The following DUSP18 variants were observed in gnomAD, a reference collection of about 807,000 sequenced individuals.
DUSP18 encodes dual specificity phosphatase 18, also known as dual specificity protein phosphatase 18.
In DUSP18, 4 loss-of-function variants were observed where a neutral mutation model predicts 6.3. The observed-to-expected ratio is 0.63, with a 90% CI of 0.31 to 1.45. The LOEUF (loss-of-function observed/expected upper bound fraction) is 1.45. DUSP18 is among the 40% of genes most tolerant of loss of function. The pLI is 0.07. For synonymous variants in DUSP18, 96 were observed against 95.1 expected (o/e 1.01, Z -0.05); for missense variants, 235 against 247.7 (o/e 0.95, Z 0.34).
At chr22:30,654,182 C>A (rs1427083883) in intron 2 of DUSP18, 2 of 254,888 alleles carry the variant, frequency 7.8e-6, no homozygotes, top group South Asian at 4.0e-5. Flanking sequence ...GACTGGGTTT[C>A]ACCATGTTAG....
At chr22:30,656,127 C>A (rs2088334184) in intron 2 of DUSP18, among the ~76,000 whole-genome samples, 2 of 151,886 alleles carry the variant, frequency 1.3e-5, no homozygotes, top group African/African-American at 4.8e-5. Context: ...GTGTGCACCA[C>A]CATGCTGGGC....
intron 2 of DUSP18, among the ~76,000 whole-genome samples, chr22:30,653,603 T>C (rs969660895): frequency 6.6e-6 from 1 of 151,238 alleles, no homozygotes; most frequent in Non-Finnish European, 1.5e-5. Context: ...GAACTCCTGA[T>C]CTCAAGTGAC....
chr22:30,657,217 C>T (rs1031710969), downstream of DUSP18, among the ~76,000 whole-genome samples: 3 of 149,622 alleles, frequency 2.0e-5, no homozygotes, highest in Non-Finnish European at 3.0e-5. Flanking sequence ...GGTGGATCAC[C>T]TGAGGTCAGG....
downstream of DUSP18, among the ~76,000 whole-genome samples, chr22:30,657,700 C>T (rs1028217907): frequency 5.3e-5 from 8 of 151,196 alleles, no homozygotes; most frequent in South Asian, 2.1e-4. Flanking sequence ...GTCAGGAGAT[C>T]GAGACAATCC....
At chr22:30,654,503 T>C in intron 2 of DUSP18, 2 of 432,360 alleles carry the variant, frequency 4.6e-6, no homozygotes, top group Non-Finnish European at 9.2e-6. Context: ...GTTAAACACC[T>C]TGAGGCGGTC....
At chr22:30,664,197 ACAG>A in intron 1 of DUSP18, 117 bp from the exon 2 acceptor site, 1 of 603,328 alleles carries the variant, frequency 1.7e-6, no homozygotes, top group East Asian at 2.8e-5. Flanking sequence ...TCTGACCATC[ACAG>A]CAGAACTACC....
chr22:30,667,399 A>AG (rs1405271876), intron 1 of DUSP18, 63 bp downstream of exon 1: 3 of 152,290 alleles, frequency 2.0e-5, no homozygotes, highest in Admixed American at 1.3e-4. Flanking sequence ...TAGGTTTCCT[A>AG]GGGGAGCTGG....
intron 1 of DUSP18, chr22:30,666,888 A>G (rs1444150210): frequency 1.3e-5 from 2 of 152,186 alleles, no homozygotes; most frequent in East Asian, 3.9e-4. Context: ...AGCCCTCTCA[A>G]AATGATAACT....
chr22:30,657,803 C>T (rs1448973892), downstream of DUSP18, among the ~76,000 whole-genome samples: 2 of 151,254 alleles, frequency 1.3e-5, no homozygotes, highest in Non-Finnish European at 2.9e-5. Flanking sequence ...ACTCGGGAGG[C>T]TGAGGCAGGA....
chr22:30,656,253 A>G (rs1415801604), intron 2 of DUSP18, among the ~76,000 whole-genome samples: 2 of 152,110 alleles, frequency 1.3e-5, no homozygotes, highest in Admixed American at 6.5e-5. Context: ...CTGGGATTAC[A>G]GGCATGAGCC....
At chr22:30,659,409 T>G (rs1268792034), downstream of DUSP18, among the ~76,000 whole-genome samples, 1 of 152,160 alleles carries the variant, frequency 6.6e-6, no homozygotes, top group Non-Finnish European at 1.5e-5. Context: ...GTTTCACTCT[T>G]ATTGCCCAGG....
intron 1 of DUSP18, chr22:30,667,206 C>G (rs1173277057): frequency 1.3e-5 from 2 of 152,150 alleles, no homozygotes; most frequent in Non-Finnish European, 2.9e-5. Context: ...GAAAGTGAGA[C>G]ACAGCGCGGA....
Position 30,662,818 on chromosome 22 carries a change from G to A in DUSP18, c.*619C>T, listed in dbSNP as rs2088515889. 1 of 152,550 alleles carries A rather than the reference G, an allele frequency of 6.6e-6. No individual in the cohort carries two copies. Among genetic ancestry groups the A allele is most frequent in the Non-Finnish European group, 1.5e-5 (1 of 68,462 alleles). The allele number at this position is 152,550 out of a possible 1,614,324, so 9.4% of individuals were successfully genotyped here. On this transcript the variant is annotated 3_prime_UTR_variant, in exon 2 of 2. Coordinates refer to ENST00000334679, the MANE Select transcript of DUSP18 (RefSeq NM_152511.5). ...CACTCTAGGATGGGTGACAGAGCAG[G>A]ACAGTTTCAAAAAAAGACAAAAAAA...
Position 30,654,355 on chromosome 22 carries a change from GTCACTGTCTGGTACTTCCAGCCAACTT to G in DUSP18, c.*34-2085_*34-2059del, listed in dbSNP as rs1569063802. 8.6e-6 allele frequency: 4 copies of G among 463,830 alleles called. No homozygotes were observed. In the Admixed American group the frequency reaches 9.3e-5, roughly 11 times the overall value. 28.7% of individuals were successfully genotyped at this position (463,830 alleles called of 1,614,324 possible). A position where few individuals can be genotyped will look rare whatever the true frequency, so the allele number is the denominator to read the frequency against. Reference sequence around the variant, plus strand: ...CTTCCTCTTCTCCTCCAGGGTGGCTGTCACTGTCTGGTACTTCCAGCCAACTTTGTGATCCAGCTGCCCCAGGTAGGC... The same window carrying G: ...CTTCCTCTTCTCCTCCAGGGTGGCTGTGTGATCCAGCTGCCCCAGGTAGGC... On this transcript the variant is annotated intron_variant, in intron 2 of 2. Coordinates refer to the DUSP18 transcript ENST00000404885.
chr22:30,655,651 A>G (rs1249240113), intron 2 of DUSP18, among the ~76,000 whole-genome samples: 1 of 152,174 alleles, frequency 6.6e-6, no homozygotes, highest in Non-Finnish European at 1.5e-5. Context: ...TGGTTTCAGC[A>G]TAAACATGAT....
At chr22:30,656,215 G>C (rs1346881263) in intron 2 of DUSP18, among the ~76,000 whole-genome samples, 1 of 151,874 alleles carries the variant, frequency 6.6e-6, no homozygotes, top group Non-Finnish European at 1.5e-5. Flanking sequence ...AGGCTCAAGT[G>C]ATCCTCCTGC....
chr22:30,666,620 T>C (rs1206404151), intron 1 of DUSP18, among the ~76,000 whole-genome samples: 4 of 21,370 alleles, frequency 1.9e-4, no homozygotes, highest in African/African-American at 8.9e-4. Flanking sequence ...AGACTCCATC[T>C]CAAAAAAAAA....
downstream of DUSP18, among the ~76,000 whole-genome samples, chr22:30,658,412 G>C (rs1030698825): frequency 6.6e-6 from 1 of 151,574 alleles, no homozygotes; most frequent in Non-Finnish European, 1.5e-5. Flanking sequence ...GGTAGCAGCA[G>C]TAACAGTGGT....
chr22:30,659,824 CAT>C (rs2088423067), downstream of DUSP18, among the ~76,000 whole-genome samples: 1 of 152,202 alleles, frequency 6.6e-6, no homozygotes, highest in South Asian at 2.1e-4. Flanking sequence ...ATTCTAATCA[CAT>C]GAGTCTTTTA....
Sources: gnomAD v4.1 joint callset for allele counts (sites outside exome capture counted in the v4.1 genomes callset) on GRCh38, gnomAD v4.1.1 for gene constraint, MANE v1.5 for transcripts, NCBI Gene and HGNC (gene_info 2026-07-23, HGNC 2026-07-21) for gene names.